The following SWAP70 variants were observed in gnomAD, a reference collection of about 807,000 sequenced individuals.
The protein encoded by SWAP70 is switching B cell complex subunit SWAP70.
Under a neutral mutation model 80.2 loss-of-function variants are expected in SWAP70, and 34 were observed. That is an observed-to-expected ratio of 0.42 (90% CI 0.32 to 0.56). The LOEUF (loss-of-function observed/expected upper bound fraction) is 0.56. SWAP70 is among the 20% of genes least tolerant of loss of function. SWAP70 has a pLI of 0.09. For synonymous variants in SWAP70, 239 were observed against 238.5 expected, an observed-to-expected ratio of 1.00 and a Z score of -0.02; for missense variants, 578 against 690.7, an observed-to-expected ratio of 0.84 and a Z score of 1.83.
chr11:9,678,508 A>T (rs1176108785), intron 1 of SWAP70, among the ~76,000 whole-genome samples: 10 of 124,072 alleles, frequency 8.1e-5, no homozygotes, highest in Non-Finnish European at 1.4e-4. Context: ...AAATACATGT[A>T]CTTTTATCGA....
chr11:9,732,063 G>A (rs1353183163), intron 6 of SWAP70, among the ~76,000 whole-genome samples: 1 of 152,142 alleles, frequency 6.6e-6, no homozygotes. Context: ...TGGATGATAG[G>A]CCAACTAAAC....
chr11:9,667,899 A>AT (rs1238061169), intron 1 of SWAP70, among the ~76,000 whole-genome samples: 1 of 151,178 alleles, frequency 6.6e-6, no homozygotes, highest in Non-Finnish European at 1.5e-5. Flanking sequence ...TGTATTTTTT[A>AT]TTTTTTTGAG....
At chr11:9,713,153 T>C (rs1307428836) in intron 2 of SWAP70, among the ~76,000 whole-genome samples, 1 of 152,234 alleles carries the variant, frequency 6.6e-6, no homozygotes, top group Admixed American at 6.5e-5. Context: ...GAGAGGTCAG[T>C]GCTAGGATTG....
chr11:9,694,307 T>G, intron 2 of SWAP70, 21 bp downstream of exon 2: 4 of 1,601,274 alleles, frequency 2.5e-6, no homozygotes, highest in Non-Finnish European at 3.4e-6. Context: ...AACCTTTTTT[T>G]GGGTGTAGCA....
chr11:9,701,900 T>G (rs11042477), intron 2 of SWAP70, among the ~76,000 whole-genome samples: 19,320 of 152,202 alleles, frequency 0.13, 2,595 homozygotes, highest in African/African-American at 0.34. Context: ...AATCTTGTCA[T>G]TTCTTTTCTC....
At chr11:9,675,603 C>T (rs1482497299) in intron 1 of SWAP70, among the ~76,000 whole-genome samples, 1 of 151,866 alleles carries the variant, frequency 6.6e-6, no homozygotes, top group African/African-American at 2.4e-5. Flanking sequence ...TAAATAAGGT[C>T]ATTGCAGGTC....
At chr11:9,711,122 A>G (rs974606941) in intron 2 of SWAP70, among the ~76,000 whole-genome samples, 10 of 151,026 alleles carry the variant, frequency 6.6e-5, no homozygotes, top group Admixed American at 3.3e-4. Context: ...AGGTCTTGCT[A>G]TATTGCCCAG....
intron 1 of SWAP70, 73 bp downstream of exon 1, chr11:9,664,351 G>A: frequency 4.1e-6 from 6 of 1,480,632 alleles, no homozygotes; most frequent in Non-Finnish European, 4.5e-6. Flanking sequence ...GGTGGAAGCG[G>A]GACCTGGCGG....
intron 1 of SWAP70, among the ~76,000 whole-genome samples, chr11:9,682,523 A>G (rs1300306347): frequency 6.6e-6 from 1 of 152,250 alleles, no homozygotes; most frequent in Non-Finnish European, 1.5e-5. Context: ...GACCAGAAAG[A>G]GATCTATGAA....
chr11:9,740,253 G>C lies in SWAP70; in HGVS notation c.1261G>C (p.Glu421Gln). 6.2e-7 allele frequency: 1 copy of C among 1,614,234 alleles called. No homozygotes were observed. The highest frequency in any genetic ancestry group is 8.5e-7 in the Non-Finnish European group (1 of 1,180,034). The part of the protein sequence containing the change: ...ELEQYLQRVR[E>Q]LEDMYLKLQE... ...GGAACAGTATTTACAGCGAGTACGG[G>C]AGCTGGAAGACATGTACCTAAAGCT... The change falls in exon 9 of 12, where the codon GAG (glutamate) becomes CAG (glutamine). Residue 421 changes from glutamate (E) to glutamine (Q), a missense_variant. Transcript: ENST00000318950.
At chr11:9,729,310 AT>A (rs765893146) in intron 5 of SWAP70, 32 bp from the exon 6 acceptor site, 1 of 1,361,896 alleles carries the variant, frequency 7.3e-7, no homozygotes, top group African/African-American at 1.5e-5. Context: ...AATACTTAAA[AT>A]TTTGAGGAAC....
intron 1 of SWAP70, among the ~76,000 whole-genome samples, chr11:9,685,117 CTTT>C (rs1011054261): frequency 2.9e-5 from 4 of 139,032 alleles, no homozygotes; most frequent in Non-Finnish European, 1.6e-5. Context: ...GGGTGACTTT[CTTT>C]TTTTTTTTTT....
chr11:9,726,846 G>A, intron 4 of SWAP70: 1 of 456,170 alleles, frequency 2.2e-6, no homozygotes, highest in South Asian at 1.5e-5. Context: ...TAGTGAGTGT[G>A]AGCTTAGAAG....
At chr11:9,686,234 C>T (rs1321711613) in intron 1 of SWAP70, among the ~76,000 whole-genome samples, 1 of 151,786 alleles carries the variant, frequency 6.6e-6, no homozygotes, top group Non-Finnish European at 1.5e-5. Flanking sequence ...TTTCTCCCTT[C>T]CCCCATCATG....
intron 2 of SWAP70, among the ~76,000 whole-genome samples, chr11:9,700,402 T>C (rs957991975): frequency 1.3e-5 from 2 of 152,150 alleles, no homozygotes; most frequent in African/African-American, 2.4e-5. Context: ...TGAAACTTGG[T>C]TGAAAAAAGA....
intron 9 of SWAP70, among the ~76,000 whole-genome samples, chr11:9,743,073 C>T (rs1444563734): frequency 6.7e-5 from 9 of 134,826 alleles, no homozygotes; most frequent in Non-Finnish European, 1.1e-4. Context: ...CAACAGGCCC[C>T]GGTGTGTGAT....
chr11:9,667,004 C>G (rs922555556), intron 1 of SWAP70, among the ~76,000 whole-genome samples: 1 of 151,792 alleles, frequency 6.6e-6, no homozygotes, highest in Non-Finnish European at 1.5e-5. Flanking sequence ...ACTACAGGTG[C>G]CCGCTGCCAT....
rs1299325337 is a variant in SWAP70 at position 9,671,389 on chromosome 11, AAT to A, written c.99+7119_99+7120del. On this transcript the variant is annotated intron_variant, in intron 1 of 11. Transcript: ENST00000318950. ...AATAAAATAAAAATAAAAATATATA[AAT>A]ATATATAAATATATAAAAATATATT... Among the ~76,000 whole-genome samples the A allele has an allele frequency of 5.2e-4, 54 of 104,272 alleles. 1 individual carries two copies. The highest frequency in any genetic ancestry group is 1.8e-3 in the African/African-American group (44 of 24,010). 68.4% of individuals were successfully genotyped at this position (104,272 alleles called of 152,430 possible). A position where few individuals can be genotyped will look rare whatever the true frequency, so the allele number is the denominator to read the frequency against.
chr11:9,729,244 C>T, intron 5 of SWAP70, 99 bp from the exon 6 acceptor site: 1 of 752,832 alleles, frequency 1.3e-6, no homozygotes, highest in Non-Finnish European at 2.2e-6. Flanking sequence ...AGGTATTTTT[C>T]ATTGACATTA....
Sources: gnomAD v4.1 joint callset for allele counts (sites outside exome capture counted in the v4.1 genomes callset) on GRCh38, gnomAD v4.1.1 for gene constraint, MANE v1.5 for transcripts, NCBI Gene and HGNC (gene_info 2026-07-23, HGNC 2026-07-21) for gene names.